SPECC1: variants seen among roughly 807,000 people sequenced by gnomAD.
The protein encoded by SPECC1 is sperm antigen with calponin homology and coiled-coil domains 1.
In SPECC1, 62 loss-of-function variants were observed where a neutral mutation model predicts 104.1. The ratio of observed to expected loss-of-function variants is 0.60; its 90% CI spans 0.49 to 0.74. SPECC1 has a LOEUF of 0.74. Among genes scored for constraint, SPECC1 ranks in the 30% least tolerant of loss-of-function variants. The pLI, the probability that SPECC1 is intolerant of heterozygous loss-of-function variation, is 0.00. For synonymous variants in SPECC1, 513 were observed against 501.6 expected, an observed-to-expected ratio of 1.02 and a Z score of -0.30; for missense variants, 1,306 against 1,310.5, an observed-to-expected ratio of 1.00 and a Z score of 0.05.
At chr17:20,155,874 T>A in intron 3 of SPECC1, 4 of 1,073,842 alleles carry the variant, frequency 3.7e-6, no homozygotes, top group Non-Finnish European at 4.6e-6. Context: ...GAAATACAGA[T>A]GAGGTGGGCG....
intron 2 of SPECC1, among the ~76,000 whole-genome samples, chr17:20,109,734 G>A (rs2048389334): frequency 6.6e-6 from 1 of 152,146 alleles, no homozygotes; most frequent in African/African-American, 2.4e-5. Flanking sequence ...TATGTCATGA[G>A]CCTTTTTTTG....
chr17:20,130,562 A>G (rs898861442), intron 3 of SPECC1, among the ~76,000 whole-genome samples: 11 of 152,140 alleles, frequency 7.2e-5, no homozygotes, highest in Admixed American at 6.5e-4. Flanking sequence ...TCAGTTGGGC[A>G]TACTTTTATT....
intron 3 of SPECC1, among the ~76,000 whole-genome samples, chr17:20,135,106 C>T (rs1386661469): frequency 6.6e-6 from 1 of 152,184 alleles, no homozygotes; most frequent in East Asian, 1.9e-4. Context: ...AGTAGATTCT[C>T]AGTGTTGTGT....
intron 14 of SPECC1, among the ~76,000 whole-genome samples, chr17:20,307,452 G>GA (rs1228282509): frequency 6.6e-6 from 1 of 152,220 alleles, no homozygotes; most frequent in Admixed American, 6.5e-5. Flanking sequence ...AAGGGGAAGA[G>GA]AGAGAGCAAG....
At chr17:20,156,965 C>G (rs1432642851) in intron 3 of SPECC1, among the ~76,000 whole-genome samples, 1 of 152,094 alleles carries the variant, frequency 6.6e-6, no homozygotes, top group Non-Finnish European at 1.5e-5. Context: ...AGGTGGTTGA[C>G]CTGACTCTGG....
At chr17:20,196,299 C>G (rs1175424961) in intron 3 of SPECC1, among the ~76,000 whole-genome samples, 1 of 152,098 alleles carries the variant, frequency 6.6e-6, no homozygotes, top group Non-Finnish European at 1.5e-5. Context: ...GGTGAAAACC[C>G]TGGTTAGTAA....
chr17:20,197,322 C>G (rs1208987998), intron 3 of SPECC1, among the ~76,000 whole-genome samples: 2 of 152,258 alleles, frequency 1.3e-5, no homozygotes, highest in African/African-American at 4.8e-5. Flanking sequence ...GGCTTTTGAA[C>G]TTTACCTAAG....
intron 1 of SPECC1, among the ~76,000 whole-genome samples, chr17:20,088,853 T>A (rs1049113101): frequency 1.3e-5 from 2 of 152,204 alleles, no homozygotes; most frequent in Non-Finnish European, 2.9e-5. Context: ...CCATGAGGGC[T>A]TCACCCTCAT....
intron 7 of SPECC1, among the ~76,000 whole-genome samples, chr17:20,236,550 C>T (rs1327096916): frequency 6.6e-6 from 1 of 151,514 alleles, no homozygotes; most frequent in Non-Finnish European, 1.5e-5. Flanking sequence ...TCTGTAAATT[C>T]TGGAGGGGCC....
intron 4 of SPECC1, among the ~76,000 whole-genome samples, chr17:20,223,528 C>T (rs910233231): frequency 2.0e-5 from 3 of 152,004 alleles, no homozygotes; most frequent in Non-Finnish European, 2.9e-5. Context: ...CAAAAATTAG[C>T]CGGGCGTGGT....
chr17:20,191,886 G>A (rs1567921021), intron 3 of SPECC1, among the ~76,000 whole-genome samples: 1 of 151,978 alleles, frequency 6.6e-6, no homozygotes, highest in Non-Finnish European at 1.5e-5. Flanking sequence ...TTTCTTCTTC[G>A]GTGAGTTGTC....
chr17:20,110,450 C>G lies in SPECC1; in HGVS notation c.171C>G (p.Asp57Glu). The change falls in exon 3 of 15, where the codon GAC becomes GAG. Residue 57 changes from aspartate to glutamate, a missense_variant. Physicochemically the swap from Asp to Glu is conservative, Grantham distance 45 (BLOSUM62 2). This residue lies in a region of SPECC1 where 1,177 missense variants were observed against 1,139.9 expected (regional missense o/e 1.03). Coordinates refer to ENST00000395527, the MANE Select transcript of SPECC1 (RefSeq NM_001243439.2). The stretch of plus-strand genomic sequence containing the variant: ...AGCTCAAGAGGGCCAGCAGTGAGGA[C>G]ACGCTCAACAAGCCAGGAAGTACCG... ...LSRLKRASSE[D>E]TLNKPGSTAA... 6.2e-7 allele frequency: 1 copy of G among 1,613,726 alleles called. No individual in the cohort carries two copies. Among genetic ancestry groups the G allele is most frequent in the Non-Finnish European group, 8.5e-7 (1 of 1,179,796 alleles).
At chr17:20,195,575 T>G (rs942932131) in intron 3 of SPECC1, among the ~76,000 whole-genome samples, 1 of 132,120 alleles carries the variant, frequency 7.6e-6, no homozygotes, top group African/African-American at 3.0e-5. Flanking sequence ...TTTTTTTTTT[T>G]GAGACGGAGT....
In SPECC1 at chr17:20,314,760, C is replaced by T. The variant is rs1567629712; in HGVS notation, c.*695C>T. ...TGTTCCAGGGCAACCTGGAAACGTGCGTGCGCACTCAGCCTTTTGGGGAAA... is the reference window on the plus strand; with the variant it reads ...TGTTCCAGGGCAACCTGGAAACGTGTGTGCGCACTCAGCCTTTTGGGGAAA... On this transcript the variant is annotated 3_prime_UTR_variant, in exon 15 of 15. Coordinates refer to ENST00000395527, the MANE Select transcript of SPECC1 (RefSeq NM_001243439.2). The T allele has an allele frequency of 1.8e-5, 3 of 169,942 alleles. No individual in the cohort carries two copies. The highest frequency in any genetic ancestry group is 5.1e-5 in the African/African-American group (2 of 39,108). The allele number at this position is 169,942 out of a possible 1,614,324, so 10.5% of individuals were successfully genotyped here.
intron 1 of SPECC1, among the ~76,000 whole-genome samples, chr17:20,094,036 A>G (rs1326594034): frequency 1.3e-5 from 2 of 151,988 alleles, no homozygotes; most frequent in African/African-American, 4.8e-5. Context: ...CCTATATTGT[A>G]TATTTTAAAT....
At chr17:20,154,570 C>T (rs1019671455) in intron 3 of SPECC1, among the ~76,000 whole-genome samples, 4 of 152,180 alleles carry the variant, frequency 2.6e-5, no homozygotes, top group Admixed American at 6.5e-5. Context: ...GAGGATTATT[C>T]AGGGCCTTGG....
intron 4 of SPECC1, among the ~76,000 whole-genome samples, chr17:20,223,840 T>A (rs1487750892): frequency 6.6e-6 from 1 of 152,234 alleles, no homozygotes; most frequent in Admixed American, 6.5e-5. Context: ...CACTGGTGTC[T>A]TATTTACTTC....
At chr17:20,238,786 C>A in intron 7 of SPECC1, 1 of 1,044,976 alleles carries the variant, frequency 9.6e-7, no homozygotes, top group South Asian at 4.6e-5. Flanking sequence ...ACTTAAAAGG[C>A]ACTGCTGTAT....
rs892566308 is a variant in SPECC1 at position 20,247,332 on chromosome 17, C to T, written c.2598+13C>T. 1.9e-6 allele frequency: 3 copies of T among 1,585,662 alleles called. No individual in the cohort carries two copies. The highest frequency in any genetic ancestry group is 1.3e-5 in the African/African-American group (1 of 74,350). ...CTCTCCAATGCAGGTAGATGAGCCC[C>T]AGAAATAACCACTGCTTATGGTTTG... On this transcript the variant is annotated intron_variant, in intron 9 of 14. Transcript: ENST00000395527.
Sources: allele counts gnomAD v4.1 joint callset (sites outside exome capture counted in the v4.1 genomes callset), GRCh38; gene constraint gnomAD v4.1.1; regional missense constraint gnomAD v4.1.1; transcripts MANE v1.5; gene names NCBI Gene and HGNC (gene_info 2026-07-23, HGNC 2026-07-21).